Variants in REG1B observed in about 807,000 individuals in gnomAD.
REG1B encodes lithostathine-1-beta.
REG1B carries 21 observed loss-of-function variants against 20.4 expected under a neutral mutation model. That is an observed-to-expected ratio of 1.03 (90% CI 0.73 to 1.48). The LOEUF is 1.48. Ranked by LOEUF, REG1B falls within the 40% of genes most tolerant of loss-of-function variation. REG1B has a pLI of 0.00. For missense variants in REG1B, 247 were observed against 197.2 expected (o/e 1.25, Z -1.51); for synonymous variants, 82 against 73.4 (o/e 1.12, Z -0.60).
chr2:79,085,572 A>G lies in REG1B; in HGVS notation c.353T>C (p.Leu118Pro), dbSNP rs1672386272. 1.2e-6 allele frequency: 2 copies of G among 1,613,562 alleles called. No individual in the cohort carries two copies. Among genetic ancestry groups the G allele is most frequent in the Non-Finnish European group, 1.7e-6 (2 of 1,179,784 alleles). The change falls in exon 5 of 6, where the codon CTG (leucine) becomes CCG (proline). Residue 118 changes from leucine to proline, a missense_variant. Coordinates refer to ENST00000305089, the MANE Select transcript of REG1B (RefSeq NM_006507.4). ...NRRWHWSSGS[L>P]VSYKSWDTGS... The stretch of plus-strand genomic sequence containing the variant: ...AGTGTCCCAGGACTTGTAGGAGACC[A>G]GGGACCCACTACTCCAGTGCCAGCG...
chr2:79,087,285 TC>T, intron 2 of REG1B: 1 of 541,416 alleles, frequency 1.8e-6, no homozygotes, highest in South Asian at 2.6e-5. Flanking sequence ...CATAAAAACA[TC>T]CCCCAAACTG....
rs755501963 is a variant in REG1B, at chr2:79,085,300, A to C, written c.434-17T>G. 6 of 1,582,252 alleles carry C rather than the reference A, an allele frequency of 3.8e-6. No individual in the cohort carries two copies. The South Asian group carries it at 4.4e-5, about 12-fold the overall frequency. ...TCTTGAATCCTATGGTACAATGAGAAGTGTCAGACATAGAGGATCAGAAGG... is the reference window on the plus strand; with the variant it reads ...TCTTGAATCCTATGGTACAATGAGACGTGTCAGACATAGAGGATCAGAAGG... On this transcript the variant is annotated splice_polypyrimidine_tract_variant and intron_variant, in intron 5 of 5. Coordinates refer to ENST00000305089, the MANE Select transcript of REG1B (RefSeq NM_006507.4).
rs1224010946 is a variant in REG1B, at chr2:79,086,461, A to C, written c.227T>G (p.Leu76Arg). 1.2e-6 allele frequency: 2 copies of C among 1,614,082 alleles called. No individual in the cohort carries two copies. Among genetic ancestry groups the C allele is most frequent in the Non-Finnish European group, 1.7e-6 (2 of 1,179,994 alleles). Reference sequence around the variant, plus strand: ...CACGAAGGCACCCTCCGCCTGGGTGAGCACAGACACCAGGTTGCCTGAATT... The same window carrying C: ...CACGAAGGCACCCTCCGCCTGGGTGCGCACAGACACCAGGTTGCCTGAATT... The part of the protein sequence containing the change: ...NMNSGNLVSV[L>R]TQAEGAFVAS... Residue 76 changes from leucine (L) to arginine (R), a missense_variant, in exon 4 of 6, where the codon CTC (leucine) becomes CGC (arginine). By Grantham distance (102) the Leu-to-Arg change is moderately radical. Coordinates refer to ENST00000305089, the MANE Select transcript of REG1B (RefSeq NM_006507.4).
At chr2:79,086,294 G>T (rs559285990) in intron 4 of REG1B, 73 bp downstream of exon 4, 3 of 1,482,348 alleles carry the variant, frequency 2.0e-6, no homozygotes, top group South Asian at 1.2e-5. Context: ...TGGTGATTGC[G>T]GTGCCAGACC....
chr2:79,087,208 C>T (rs190462012), intron 2 of REG1B: 372 of 531,084 alleles, frequency 7.0e-4, no homozygotes, highest in Non-Finnish European at 1.1e-3. Context: ...CAGGCTTCCT[C>T]CTTTCTCAAG....
Position 79,087,581 on chromosome 2 carries a change from A to G in REG1B, c.32T>C (p.Ile11Thr). 1 of 1,613,984 alleles carries G rather than the reference A, an allele frequency of 6.2e-7. No homozygotes were observed. Reference protein sequence around the residue: MAQTNSFFMLISSLMFLSLSQ... With the variant: MAQTNSFFMLTSSLMFLSLSQ... ...CAGAGACAGGAACATCAGGGAGGAG[A>G]TCAGCATGAAGAACGAGTTGGTCTG... is the stretch of plus-strand genomic sequence containing the variant. Residue 11 changes from isoleucine (I) to threonine (T), a missense_variant, in exon 2 of 6, where the codon ATC becomes ACC. Physicochemically the swap from Ile to Thr is moderately conservative, Grantham distance 89 (BLOSUM62 -1). Transcript: ENST00000305089.
chr2:79,086,271 A>G, intron 4 of REG1B, 96 bp downstream of exon 4: 1 of 1,335,786 alleles, frequency 7.5e-7, no homozygotes, highest in Non-Finnish European at 1.0e-6. Flanking sequence ...TAAACAAACA[A>G]AAAGATAAAA....
At chr2:79,086,770 A>G (rs766338935) in intron 3 of REG1B, 42 bp downstream of exon 3, 8 of 1,568,224 alleles carry the variant, frequency 5.1e-6, no homozygotes, top group South Asian at 4.4e-5. Context: ...AGCTGCCTCT[A>G]CCTTCATAAG....
chr2:79,085,447 G>A, intron 5 of REG1B, 45 bp downstream of exon 5: 1 of 1,489,610 alleles, frequency 6.7e-7, no homozygotes. Flanking sequence ...CCAGAGATAA[G>A]TGGGAAGGAA....
At position 79,085,191 on chromosome 2, in the gene REG1B, C is replaced by T; in HGVS notation, c.*25G>A. On this transcript the variant is annotated 3_prime_UTR_variant, in exon 6 of 6. Transcript: ENST00000305089. ...CTTCATAGTAATTGCAGGACCAGTT[C>T]TAGACATCCATTTTTCAGCTTCCTC... 6.3e-7 allele frequency: 1 copy of T among 1,577,532 alleles called. No individual in the cohort carries two copies. Among genetic ancestry groups the T allele is most frequent in the South Asian group, 1.1e-5 (1 of 90,350 alleles).
rs374024023 is a variant in REG1B, at chr2:79,086,541, G to C, written c.184-37C>G. ...GAAAATGGAGCACTCAGTGGAGAAG[G>C]AAGGTGTGAGGGATATACTGAGACC... On this transcript the variant is annotated intron_variant, in intron 3 of 5. Transcript: ENST00000305089. The C allele has an allele frequency of 1.4e-5, 22 of 1,610,132 alleles. No homozygotes were observed. In the African/African-American group the frequency reaches 2.8e-4, roughly 20 times the overall value.
At chr2:79,087,729 C>T (rs967929050) in intron 1 of REG1B, 71 bp from the exon 2 acceptor site, 3 of 933,934 alleles carry the variant, frequency 3.2e-6, no homozygotes, top group Non-Finnish European at 3.2e-6. Context: ...AACATCCTCT[C>T]CTCTCTGAAT....
intron 4 of REG1B, chr2:79,086,080 A>G (rs1010053046): frequency 2.5e-6 from 1 of 407,992 alleles, no homozygotes; most frequent in African/African-American, 2.0e-5. Flanking sequence ...CTTCCAAGAC[A>G]GACAATAGCA....
chr2:79,085,503 G>T lies in REG1B; in HGVS notation c.422C>A (p.Thr141Asn), dbSNP rs141409821. The T allele has an allele frequency of 2.0e-5, 33 of 1,612,836 alleles. No individual in the cohort carries two copies. In the South Asian group the frequency reaches 3.5e-4, roughly 17 times the overall value. The part of the protein sequence containing the change: ...SANAGYCASL[T>N]SCSGFKKWKD... ...TGTCTGCCTCTCACCTGAGCATGAAGTCAGGCTTGCACAGTAGCCAGCATT... is the reference window on the plus strand; with the variant it reads ...TGTCTGCCTCTCACCTGAGCATGAATTCAGGCTTGCACAGTAGCCAGCATT... Residue 141 changes from threonine to asparagine, a missense_variant, in exon 5 of 6, where the codon ACT (threonine) becomes AAT (asparagine). Transcript: ENST00000305089.
intron 4 of REG1B, chr2:79,085,934 G>A: frequency 3.9e-6 from 1 of 258,592 alleles, no homozygotes; most frequent in Non-Finnish European, 7.4e-6. Context: ...AGTAGTCGTT[G>A]ATATATTATT....
At chr2:79,085,448 T>C (rs570829336) in intron 5 of REG1B, 44 bp downstream of exon 5, 2 of 1,495,974 alleles carry the variant, frequency 1.3e-6, no homozygotes, top group East Asian at 4.5e-5. Context: ...CAGAGATAAG[T>C]GGGAAGGAAA....
chr2:79,087,011 G>C, intron 2 of REG1B, 81 bp from the exon 3 acceptor site: 2 of 1,150,240 alleles, frequency 1.7e-6, no homozygotes, highest in Non-Finnish European at 2.6e-6. Context: ...GGGCTTCTTG[G>C]TGTCCTTTAT....
intron 5 of REG1B, 80 bp from the exon 6 acceptor site, chr2:79,085,363 A>C: frequency 7.4e-7 from 1 of 1,356,384 alleles, no homozygotes; most frequent in Non-Finnish European, 1.1e-6. Context: ...CAGAACAAAA[A>C]ACTAGAGGAA....
In REG1B at chr2:79,086,766, C is replaced by T. The variant is rs1013969312; in HGVS notation, c.183+46G>A. The T allele has an allele frequency of 5.1e-6, 8 of 1,560,090 alleles. No individual in the cohort carries two copies. The African/African-American group carries it at 1.1e-4, about 21-fold the overall frequency. On this transcript the variant is annotated intron_variant, in intron 3 of 5. Coordinates refer to ENST00000305089, the MANE Select transcript of REG1B (RefSeq NM_006507.4). ...GAACACACTGCAAATTAGCAGCTGC[C>T]TCTACCTTCATAAGCCTCCCTTCCC...
Sources: allele counts gnomAD v4.1 joint callset, GRCh38; gene constraint gnomAD v4.1.1; transcripts MANE v1.5; gene names NCBI Gene and HGNC (gene_info 2026-07-23, HGNC 2026-07-21).